SPOCK1: variants seen among roughly 807,000 people sequenced by gnomAD.
The protein encoded by SPOCK1 is SPARC (osteonectin), cwcv and kazal like domains proteoglycan 1.
A neutral mutation model predicts 55.3 loss-of-function variants in SPOCK1; 23 were observed. The ratio of observed to expected loss-of-function variants is 0.42; its 90% CI spans 0.30 to 0.59. The LOEUF is 0.59. SPOCK1 is among the 20% of genes least tolerant of loss of function. The pLI is 0.22. For missense variants in SPOCK1, 499 were observed against 552.5 expected (o/e 0.90, Z 0.97); for synonymous variants, 226 against 221.0 (o/e 1.02, Z -0.20).
intron 3 of SPOCK1, among the ~76,000 whole-genome samples, chr5:137,158,197 G>T (rs564877224): frequency 6.6e-6 from 1 of 152,192 alleles, no homozygotes; most frequent in Non-Finnish European, 1.5e-5. Context: ...TTCCATCCCA[G>T]TGACTGTCCA....
intron 3 of SPOCK1, among the ~76,000 whole-genome samples, chr5:137,258,844 T>A (rs1248874426): frequency 2.0e-5 from 3 of 152,174 alleles, no homozygotes; most frequent in African/African-American, 4.8e-5. Flanking sequence ...CATCATTCAC[T>A]ACGATTCCCT....
At chr5:137,393,660 AG>A (rs1364492537) in intron 2 of SPOCK1, among the ~76,000 whole-genome samples, 5 of 152,266 alleles carry the variant, frequency 3.3e-5, no homozygotes, top group African/African-American at 1.2e-4. Context: ...TTATGTTCAT[AG>A]GAGGTGACAC....
intron 3 of SPOCK1, 67 bp downstream of exon 3, chr5:137,266,943 T>G: frequency 7.0e-7 from 1 of 1,430,196 alleles, no homozygotes; most frequent in Non-Finnish European, 9.8e-7. Flanking sequence ...TAACTCAGCA[T>G]GCAAGGAAGG....
At chr5:137,113,763 T>C (rs943841083) in intron 4 of SPOCK1, among the ~76,000 whole-genome samples, 1 of 152,166 alleles carries the variant, frequency 6.6e-6, no homozygotes, top group African/African-American at 2.4e-5. Context: ...AGGATGAAAT[T>C]ACCATAACCA....
chr5:137,087,809 A>C (rs1752984905), intron 5 of SPOCK1, among the ~76,000 whole-genome samples: 1 of 152,146 alleles, frequency 6.6e-6, no homozygotes, highest in Non-Finnish European at 1.5e-5. Flanking sequence ...GAAGGTTCAG[A>C]AAGGAGGTCA....
intron 2 of SPOCK1, among the ~76,000 whole-genome samples, chr5:137,348,676 T>C (rs777508993): frequency 6.6e-6 from 1 of 152,088 alleles, no homozygotes; most frequent in Non-Finnish European, 1.5e-5. Context: ...GAAGTAGTTA[T>C]AATATAAAAT....
intron 3 of SPOCK1, among the ~76,000 whole-genome samples, chr5:137,233,769 C>T (rs952450732): frequency 2.6e-5 from 3 of 117,462 alleles, no homozygotes; most frequent in Admixed American, 1.1e-4. Context: ...GTGACTTTGC[C>T]GATCTCACTT....
intron 2 of SPOCK1, among the ~76,000 whole-genome samples, chr5:137,369,524 T>A (rs193203102): frequency 6.6e-6 from 1 of 152,316 alleles, no homozygotes; most frequent in East Asian, 1.9e-4. Context: ...TATCCCCAGA[T>A]TGACCTGGGT....
At chr5:137,330,271 G>A (rs1428585535) in intron 2 of SPOCK1, among the ~76,000 whole-genome samples, 1 of 152,130 alleles carries the variant, frequency 6.6e-6, no homozygotes, top group Admixed American at 6.6e-5. Context: ...AATTGTCAGT[G>A]GCGAGCGGCT....
At chr5:137,083,681 G>C (rs936994400) in intron 5 of SPOCK1, among the ~76,000 whole-genome samples, 2 of 152,072 alleles carry the variant, frequency 1.3e-5, no homozygotes, top group African/African-American at 4.8e-5. Context: ...GCCAGACACT[G>C]AATACTTGCT....
chr5:137,286,093 A>G (rs991436822), intron 2 of SPOCK1, among the ~76,000 whole-genome samples: 3 of 152,270 alleles, frequency 2.0e-5, no homozygotes, highest in East Asian at 1.9e-4. Context: ...TAGGTGGTCA[A>G]TGCTGTTTTT....
At chr5:137,067,694 C>T (rs1249700566) in intron 6 of SPOCK1, 21 bp downstream of exon 6, 1 of 1,608,782 alleles carries the variant, frequency 6.2e-7, no homozygotes, top group Non-Finnish European at 8.5e-7. Context: ...CACGAATTCT[C>T]TGAAGGAAAC....
chr5:137,299,605 C>T (rs1481550434), intron 2 of SPOCK1, among the ~76,000 whole-genome samples: 1 of 151,894 alleles, frequency 6.6e-6, no homozygotes, highest in African/African-American at 2.4e-5. Context: ...AAATTTTCTG[C>T]TTTTATCTGA....
At chr5:137,008,816 C>T (rs1751299015) in intron 6 of SPOCK1, among the ~76,000 whole-genome samples, 1 of 151,918 alleles carries the variant, frequency 6.6e-6, no homozygotes, top group Non-Finnish European at 1.5e-5. Flanking sequence ...AGATTAAACC[C>T]TAAGAGGATA....
chr5:137,135,999 T>A (rs1753976677), intron 4 of SPOCK1, among the ~76,000 whole-genome samples: 1 of 152,252 alleles, frequency 6.6e-6, no homozygotes, highest in African/African-American at 2.4e-5. Context: ...TATTTTACAA[T>A]CAAATCTTTT....
At chr5:137,272,014 A>C (rs1299756372) in intron 2 of SPOCK1, among the ~76,000 whole-genome samples, 2 of 152,230 alleles carry the variant, frequency 1.3e-5, no homozygotes, top group African/African-American at 4.8e-5. Flanking sequence ...AACTGAAGGA[A>C]GCAAATTAAA....
chr5:137,370,411 T>G (rs987216283), intron 2 of SPOCK1, among the ~76,000 whole-genome samples: 3 of 152,234 alleles, frequency 2.0e-5, no homozygotes, highest in African/African-American at 7.2e-5. Flanking sequence ...AATAAGGCTC[T>G]AACAGGCATT....
chr5:137,293,787 C>A (rs1757423050), intron 2 of SPOCK1, among the ~76,000 whole-genome samples: 1 of 152,178 alleles, frequency 6.6e-6, no homozygotes, highest in African/African-American at 2.4e-5. Context: ...GAGGCCGAGG[C>A]GGGTGGATCA....
chr5:137,057,824 G>A (rs1276607124), intron 6 of SPOCK1, among the ~76,000 whole-genome samples: 3 of 152,104 alleles, frequency 2.0e-5, no homozygotes, highest in Non-Finnish European at 2.9e-5. Context: ...CACAGTAATG[G>A]ATAGCAGGGC....
Sources: allele counts gnomAD v4.1 joint callset (sites outside exome capture counted in the v4.1 genomes callset), GRCh38; gene constraint gnomAD v4.1.1; transcripts MANE v1.5; gene names NCBI Gene and HGNC (gene_info 2026-07-23, HGNC 2026-07-21).